Variants in SOX6 observed in about 807,000 individuals in gnomAD.
SOX6 encodes the protein transcription factor SOX-6.
SOX6 carries 11 observed loss-of-function variants against 97.8 expected under a neutral mutation model. The ratio of observed to expected loss-of-function variants is 0.11; its 90% CI spans 0.07 to 0.19. The LOEUF is 0.19. Among genes scored for constraint, SOX6 ranks in the 10% least tolerant of loss-of-function variants. The probability of loss-of-function intolerance (pLI) is 1.00; values close to 1 mark genes in which losing one functional copy is unlikely to be tolerated. For synonymous variants in SOX6, 360 were observed against 371.4 expected (o/e 0.97, Z 0.35); for missense variants, 810 against 1,039.5 (o/e 0.78, Z 3.04).
intron 4 of SOX6, among the ~76,000 whole-genome samples, chr11:16,546,059 A>C (rs73417106): frequency 0.033 from 5,094 of 152,230 alleles, 275 homozygotes; most frequent in African/African-American, 0.11. Flanking sequence ...CACCAAAAAT[A>C]AACTAGCTGA....
At chr11:16,521,998 G>A (rs982401072) in intron 4 of SOX6, among the ~76,000 whole-genome samples, 32 of 152,240 alleles carry the variant, frequency 2.1e-4, no homozygotes, top group South Asian at 6.2e-4. Context: ...CCAAATCTAC[G>A]TCTGATTCGT....
At chr11:16,314,596 C>G (rs1329346952) in intron 3 of SOX6, 1 of 152,146 alleles carries the variant, frequency 6.6e-6, no homozygotes, top group African/African-American at 2.4e-5. Context: ...TGGTGGTCCA[C>G]AGACTCCAGC....
intron 1 of SOX6, among the ~76,000 whole-genome samples, chr11:16,343,878 G>A (rs1236726363): frequency 6.6e-6 from 1 of 151,754 alleles, no homozygotes; most frequent in Non-Finnish European, 1.5e-5. Context: ...AAATACATAT[G>A]TGTATCAAGG....
intron 9 of SOX6, among the ~76,000 whole-genome samples, chr11:16,085,721 T>G (rs1260938477): frequency 6.6e-6 from 1 of 152,218 alleles, no homozygotes; most frequent in Non-Finnish European, 1.5e-5. Context: ...GACCATAATC[T>G]GTTTATAAGA....
At chr11:16,659,492 A>G (rs1424024611) in intron 3 of SOX6, among the ~76,000 whole-genome samples, 1 of 145,944 alleles carries the variant, frequency 6.9e-6, no homozygotes, top group African/African-American at 2.4e-5. Context: ...TTCTCCTTCA[A>G]TAATGTGTTA....
At chr11:16,220,491 T>C (rs1046992331) in intron 4 of SOX6, among the ~76,000 whole-genome samples, 39 of 152,004 alleles carry the variant, frequency 2.6e-4, no homozygotes, top group African/African-American at 9.2e-4. Context: ...TGAGCAAACG[T>C]TGGTGACATG....
intron 4 of SOX6, among the ~76,000 whole-genome samples, chr11:16,212,139 G>C (rs1852249430): frequency 6.6e-6 from 1 of 152,160 alleles, no homozygotes; most frequent in Admixed American, 6.5e-5. Flanking sequence ...AAACAGATAT[G>C]AGGCCTAGGC....
At chr11:16,046,914 AC>A (rs1439671757) in intron 11 of SOX6, among the ~76,000 whole-genome samples, 1 of 152,110 alleles carries the variant, frequency 6.6e-6, no homozygotes, top group African/African-American at 2.4e-5. Flanking sequence ...AAACCCCAGC[AC>A]TCCAGCCTAC....
At chr11:16,042,942 T>G (rs1266051411) in intron 12 of SOX6, among the ~76,000 whole-genome samples, 1 of 152,140 alleles carries the variant, frequency 6.6e-6, no homozygotes, top group East Asian at 1.9e-4. Context: ...ACATAACACC[T>G]ACGCAGGAAA....
At chr11:16,281,442 G>C (rs191160817) in intron 3 of SOX6, among the ~76,000 whole-genome samples, 1 of 151,908 alleles carries the variant, frequency 6.6e-6, no homozygotes. Flanking sequence ...TCTTTACAAA[G>C]ACACACATAA....
intron 4 of SOX6, among the ~76,000 whole-genome samples, chr11:16,556,545 G>A (rs1172638453): frequency 6.6e-6 from 1 of 151,696 alleles, no homozygotes; most frequent in African/African-American, 2.4e-5. Flanking sequence ...GCAGAAGTGA[G>A]CATTAAAACA....
Position 16,187,005 on chromosome 11 carries a change from G to A in SOX6, c.536-50C>T, listed in dbSNP as rs759141484. 15 of 1,602,542 alleles carry A rather than the reference G, an allele frequency of 9.4e-6. No individual in the cohort carries two copies. The Middle Eastern group carries it at 5.2e-4, about 55-fold the overall frequency. The stretch of plus-strand genomic sequence containing the variant: ...TCACAAGCTTGAGAAATACCTGGAC[G>A]AATAAGGGAAAGGAGGGCAGAATTT... On this transcript the variant is annotated intron_variant, in intron 4 of 15. Coordinates refer to ENST00000683767, the MANE Select transcript of SOX6 (RefSeq NM_001367873.1).
intron 3 of SOX6, among the ~76,000 whole-genome samples, chr11:16,634,023 A>C (rs913083180): frequency 3.9e-5 from 6 of 152,204 alleles, no homozygotes. Flanking sequence ...TTTTCTAGAG[A>C]AAAGATGATC....
At chr11:16,737,531 A>C (rs11024029) in intron 1 of SOX6, among the ~76,000 whole-genome samples, 10 of 151,922 alleles carry the variant, frequency 6.6e-5, no homozygotes, top group African/African-American at 2.4e-4. Context: ...AAAAAAAAAA[A>C]TCACATTTGT....
At chr11:16,014,758 T>G (rs1854830775) in intron 13 of SOX6, among the ~76,000 whole-genome samples, 184 bp downstream of exon 13, 1 of 152,038 alleles carries the variant, frequency 6.6e-6, no homozygotes, top group Non-Finnish European at 1.5e-5. Context: ...CTTCTTAAAG[T>G]CTTCTACTAT....
chr11:16,405,629 G>A (rs1858668122), intron 1 of SOX6, among the ~76,000 whole-genome samples: 1 of 151,984 alleles, frequency 6.6e-6, no homozygotes, highest in South Asian at 2.1e-4. Flanking sequence ...GTTAGAAAAG[G>A]CAACAGTCAT....
chr11:16,277,582 G>C (rs1433898648), intron 3 of SOX6, among the ~76,000 whole-genome samples: 2 of 152,154 alleles, frequency 1.3e-5, no homozygotes, highest in Non-Finnish European at 2.9e-5. Flanking sequence ...GCACAATAAA[G>C]TCTGGTATCT....
At chr11:16,662,864 G>C (rs527260535) in intron 3 of SOX6, among the ~76,000 whole-genome samples, 4 of 151,828 alleles carry the variant, frequency 2.6e-5, no homozygotes, top group African/African-American at 7.3e-5. Flanking sequence ...TGGCTTTTTT[G>C]GGGGAGGCGG....
chr11:16,663,235 T>C (rs980910745), intron 3 of SOX6, among the ~76,000 whole-genome samples: 20 of 152,170 alleles, frequency 1.3e-4, no homozygotes, highest in African/African-American at 1.9e-4. Flanking sequence ...TCTTAGCCAT[T>C]ACAATATGGC....
Sources: allele counts gnomAD v4.1 joint callset (sites outside exome capture counted in the v4.1 genomes callset), GRCh38; gene constraint gnomAD v4.1.1; transcripts MANE v1.5; gene names NCBI Gene and HGNC (gene_info 2026-07-23, HGNC 2026-07-21).